Variants in SCFD2 observed in about 807,000 individuals in gnomAD.
The protein encoded by SCFD2 is sec1 family domain-containing protein 2.
A neutral mutation model predicts 58.9 loss-of-function variants in SCFD2; 54 were observed. The ratio of observed to expected loss-of-function variants is 0.92; its 90% CI spans 0.74 to 1.15. SCFD2 has a LOEUF of 1.15. Ranked by LOEUF, SCFD2 falls within the 50% of genes most tolerant of loss-of-function variation. SCFD2 has a pLI of 0.00. For synonymous variants in SCFD2, 321 were observed against 335.9 expected (o/e 0.96, Z 0.49); for missense variants, 805 against 836.6 (o/e 0.96, Z 0.47).
intron 5 of SCFD2, among the ~76,000 whole-genome samples, chr4:52,995,130 T>C (rs928341391): frequency 1.3e-5 from 2 of 152,188 alleles, no homozygotes; most frequent in Non-Finnish European, 2.9e-5. Context: ...AGGAAATAAC[T>C]ATATAACTTA....
At chr4:52,991,079 G>A (rs1721602459) in intron 5 of SCFD2, among the ~76,000 whole-genome samples, 1 of 152,304 alleles carries the variant, frequency 6.6e-6, no homozygotes, top group Middle Eastern at 3.4e-3. Context: ...AGGTACTAGA[G>A]GGTATTCTGC....
chr4:52,998,389 G>A (rs1166636162), intron 5 of SCFD2, among the ~76,000 whole-genome samples: 1 of 152,330 alleles, frequency 6.6e-6, no homozygotes, highest in African/African-American at 2.4e-5. Context: ...AGAAGAATGA[G>A]TGCTTTGCAT....
chr4:53,313,619 C>T lies in SCFD2; in HGVS notation c.1135+17G>A, dbSNP rs746268380. 6.2e-7 allele frequency: 1 copy of T among 1,613,724 alleles called. No individual in the cohort carries two copies. The highest frequency in any genetic ancestry group is 1.3e-5 in the African/African-American group (1 of 75,028). On this transcript the variant is annotated intron_variant, in intron 3 of 8. Coordinates refer to ENST00000401642, the MANE Select transcript of SCFD2 (RefSeq NM_152540.4). ...AAGCTTCCTCAGAGGCTGCCTGTGT[C>T]CTAGGTTTAGGCTTACCCATACTCA...
At chr4:52,954,175 T>C (rs1046448767) in intron 5 of SCFD2, among the ~76,000 whole-genome samples, 1 of 152,196 alleles carries the variant, frequency 6.6e-6, no homozygotes, top group African/African-American at 2.4e-5. Context: ...GACAGTAAAC[T>C]TGCTTTCTGT....
At chr4:53,266,921 T>C (rs977426456) in intron 4 of SCFD2, among the ~76,000 whole-genome samples, 4 of 152,194 alleles carry the variant, frequency 2.6e-5, no homozygotes, top group Non-Finnish European at 2.9e-5. Context: ...TTTAAGCATA[T>C]AATATTATCT....
intron 5 of SCFD2, among the ~76,000 whole-genome samples, chr4:52,928,025 G>C (rs301129): frequency 0.27 from 41,218 of 151,986 alleles, 6,394 homozygotes; most frequent in East Asian, 0.53. Context: ...CCTAATGTGA[G>C]TTTAAGTTCT....
At chr4:52,945,505 G>A (rs1720400284) in intron 5 of SCFD2, 1 of 152,248 alleles carries the variant, frequency 6.6e-6, no homozygotes, top group East Asian at 1.9e-4. Context: ...GTATGAGGAT[G>A]TTAACACTGA....
intron 4 of SCFD2, among the ~76,000 whole-genome samples, chr4:53,200,662 G>C (rs1273145000): frequency 1.3e-5 from 2 of 152,068 alleles, no homozygotes; most frequent in African/African-American, 4.8e-5. Flanking sequence ...CTATGAGGTA[G>C]ACTATCTGGT....
At chr4:52,923,634 C>T (rs565561059) in intron 5 of SCFD2, among the ~76,000 whole-genome samples, 19 of 152,032 alleles carry the variant, frequency 1.2e-4, no homozygotes, top group Middle Eastern at 3.4e-3. Context: ...TCAGGAAGTT[C>T]GTGGGAACTT....
chr4:53,169,007 C>T (rs947122931), intron 4 of SCFD2, among the ~76,000 whole-genome samples: 9 of 152,198 alleles, frequency 5.9e-5, no homozygotes, highest in Admixed American at 1.3e-4. Context: ...TGTTTCTGTG[C>T]TTGGCTTATT....
intron 5 of SCFD2, among the ~76,000 whole-genome samples, chr4:53,034,007 CA>C (rs1211032225): frequency 6.6e-6 from 1 of 151,972 alleles, no homozygotes; most frequent in Non-Finnish European, 1.5e-5. Context: ...AGAGACACAA[CA>C]AAAAAAGAAA....
intron 5 of SCFD2, among the ~76,000 whole-genome samples, chr4:52,995,222 A>T (rs1162342460): frequency 1.3e-5 from 2 of 152,142 alleles, no homozygotes. Context: ...GGAGACAGTA[A>T]AAGATCATCA....
rs10557430 is a variant in SCFD2, at chr4:52,907,708, A to ATGTGTGTG, written c.1708-125_1708-118dup. The ATGTGTGTG allele has an allele frequency of 1.2e-3, 801 of 685,028 alleles. 5 individuals carry two copies. In the African/African-American group the frequency reaches 0.013, roughly 11 times the overall value. The allele number at this position is 685,028 out of a possible 1,614,324, so 42.4% of individuals were successfully genotyped here. A position where few individuals can be genotyped will look rare whatever the true frequency, so the allele number is the denominator to read the frequency against. ...TATTTTGATACTGAGCAATGCCTAT[A>ATGTGTGTG]TGTGTGTGTGTGTGTGTGTGTGTGT... On this transcript the variant is annotated intron_variant, in intron 6 of 8. Transcript: ENST00000401642.
chr4:53,322,145 C>T (rs1349657184), intron 2 of SCFD2, among the ~76,000 whole-genome samples: 2 of 152,120 alleles, frequency 1.3e-5, no homozygotes, highest in African/African-American at 4.8e-5. Context: ...TCCCAAATGG[C>T]TTGGGATTCT....
chr4:53,307,226 G>C (rs961255591), intron 3 of SCFD2, among the ~76,000 whole-genome samples: 3 of 152,224 alleles, frequency 2.0e-5, no homozygotes, highest in Non-Finnish European at 4.4e-5. Context: ...TAGGGAAATA[G>C]GTAATAGAGA....
chr4:53,200,621 C>T (rs1049936732), intron 4 of SCFD2, among the ~76,000 whole-genome samples: 1 of 152,022 alleles, frequency 6.6e-6, no homozygotes, highest in African/African-American at 2.4e-5. Context: ...ATAGGACAAG[C>T]GCTTGTCTCG....
chr4:53,222,760 G>A (rs1729086185), intron 4 of SCFD2, among the ~76,000 whole-genome samples: 1 of 152,102 alleles, frequency 6.6e-6, no homozygotes, highest in Non-Finnish European at 1.5e-5. Context: ...CAAATAATAT[G>A]CCAGAAGAAA....
chr4:52,953,165 C>G (rs748281636), intron 5 of SCFD2, among the ~76,000 whole-genome samples: 6 of 152,210 alleles, frequency 3.9e-5, no homozygotes, highest in Non-Finnish European at 7.3e-5. Context: ...CTTCCTCAGT[C>G]CTCACAGTGA....
chr4:53,092,903 G>A (rs1157465821), intron 5 of SCFD2, among the ~76,000 whole-genome samples: 1 of 152,080 alleles, frequency 6.6e-6, no homozygotes, highest in Non-Finnish European at 1.5e-5. Context: ...CCCAAATGGG[G>A]AAGGAGATTA....
Sources: allele counts gnomAD v4.1 joint callset (sites outside exome capture counted in the v4.1 genomes callset), GRCh38; gene constraint gnomAD v4.1.1; transcripts MANE v1.5; gene names NCBI Gene and HGNC (gene_info 2026-07-23, HGNC 2026-07-21).